The following ATG10 variants were observed in gnomAD, a reference collection of about 807,000 sequenced individuals.
ATG10 encodes ubiquitin-like-conjugating enzyme ATG10.
In ATG10, 30 loss-of-function variants were observed where a neutral mutation model predicts 32.1. That is an observed-to-expected ratio of 0.94 (90% CI 0.70 to 1.27). The LOEUF is 1.27. ATG10 is among the 50% of genes most tolerant of loss of function. ATG10 has a pLI of 0.00. For missense variants in ATG10, 233 were observed against 262.3 expected (o/e 0.89, Z 0.77); for synonymous variants, 87 against 91.5 (o/e 0.95, Z 0.28).
intron 3 of ATG10, among the ~76,000 whole-genome samples, chr5:82,139,948 A>G (rs1561321175): frequency 1.6e-5 from 2 of 122,390 alleles, no homozygotes; most frequent in Non-Finnish European, 3.5e-5. Flanking sequence ...TGGGGGGGTC[A>G]GCCCTCCGCC....
chr5:81,995,537 C>T (rs1163503826), intron 2 of ATG10, among the ~76,000 whole-genome samples: 1 of 152,136 alleles, frequency 6.6e-6, no homozygotes, highest in Non-Finnish European at 1.5e-5. Flanking sequence ...CTGTTTTGTG[C>T]TACCTTATGA....
intron 3 of ATG10, among the ~76,000 whole-genome samples, chr5:82,151,810 C>A (rs1022785665): frequency 1.3e-5 from 2 of 151,358 alleles, no homozygotes; most frequent in Admixed American, 6.6e-5. Context: ...CATTGACTAA[C>A]GACTCATTGA....
At chr5:82,141,445 C>T (rs1367771805) in intron 3 of ATG10, among the ~76,000 whole-genome samples, 1 of 151,978 alleles carries the variant, frequency 6.6e-6, no homozygotes, top group African/African-American at 2.4e-5. Flanking sequence ...GTGGAATGTG[C>T]AGAAAATGTG....
At chr5:82,047,610 T>C (rs561242726) in intron 2 of ATG10, among the ~76,000 whole-genome samples, 1 of 152,280 alleles carries the variant, frequency 6.6e-6, no homozygotes, top group African/African-American at 2.4e-5. Flanking sequence ...CCTGTAACCT[T>C]TTCTAGCCTG....
chr5:82,046,162 C>T (rs1352832309), intron 2 of ATG10, among the ~76,000 whole-genome samples: 2 of 152,144 alleles, frequency 1.3e-5, no homozygotes, highest in Non-Finnish European at 2.9e-5. Context: ...TGTGGGGCTG[C>T]GTTTCTCCTA....
At chr5:82,084,052 C>G (rs1028221323) in intron 3 of ATG10, among the ~76,000 whole-genome samples, 1 of 152,116 alleles carries the variant, frequency 6.6e-6, no homozygotes, top group Non-Finnish European at 1.5e-5. Flanking sequence ...AGAGGATGTT[C>G]GAACCCATCA....
At chr5:82,199,896 T>C (rs57872300) in intron 5 of ATG10, among the ~76,000 whole-genome samples, 1,830 of 152,286 alleles carry the variant, frequency 0.012, 26 homozygotes, top group African/African-American at 0.043. Flanking sequence ...ATTTCTAGGC[T>C]TTTGAGTCTG....
intron 5 of ATG10, among the ~76,000 whole-genome samples, chr5:82,239,866 T>C (rs897808668): frequency 7.9e-5 from 12 of 151,976 alleles, no homozygotes; most frequent in Non-Finnish European, 1.6e-4. Flanking sequence ...AAGATCTGAA[T>C]AGACATTTTT....
chr5:82,112,644 TAAG>T (rs1765655684), intron 3 of ATG10, among the ~76,000 whole-genome samples: 1 of 151,924 alleles, frequency 6.6e-6, no homozygotes, highest in African/African-American at 2.4e-5. Flanking sequence ...CTGTGATTAT[TAAG>T]AACCTTCAGA....
At chr5:82,022,165 G>GGT (rs1762460655) in intron 2 of ATG10, among the ~76,000 whole-genome samples, 1 of 151,024 alleles carries the variant, frequency 6.6e-6, no homozygotes, top group South Asian at 2.1e-4. Context: ...CTCCAGCCTG[G>GGT]GTGACAGAGC....
chr5:82,109,979 GT>G (rs1182193984), intron 3 of ATG10, among the ~76,000 whole-genome samples: 7 of 143,214 alleles, frequency 4.9e-5, no homozygotes, highest in African/African-American at 1.8e-4. Flanking sequence ...GCCCTGGTGT[GT>G]GATGTTCCCC....
intron 3 of ATG10, among the ~76,000 whole-genome samples, chr5:82,074,794 AC>A (rs1581661771): frequency 1.3e-5 from 2 of 152,328 alleles, no homozygotes; most frequent in East Asian, 3.9e-4. Context: ...TTAGAAAATC[AC>A]CTAACACTTT....
intron 5 of ATG10, among the ~76,000 whole-genome samples, chr5:82,248,115 G>A (rs967596798): frequency 6.6e-6 from 1 of 152,088 alleles, no homozygotes; most frequent in Non-Finnish European, 1.5e-5. Context: ...TTCCTATCAG[G>A]CCTTCTTGTG....
intron 3 of ATG10, among the ~76,000 whole-genome samples, chr5:82,084,996 G>A (rs1220065632): frequency 3.9e-5 from 6 of 152,156 alleles, no homozygotes; most frequent in African/African-American, 7.2e-5. Context: ...AACCTTAAAT[G>A]TAAATGGGCT....
chr5:82,154,235 C>T (rs1767725370), intron 3 of ATG10, among the ~76,000 whole-genome samples: 1 of 152,146 alleles, frequency 6.6e-6, no homozygotes, highest in Non-Finnish European at 1.5e-5. Flanking sequence ...CATTAATTTA[C>T]ATATTATCTA....
At chr5:82,037,538 C>T (rs1305287021) in intron 2 of ATG10, among the ~76,000 whole-genome samples, 8 of 150,878 alleles carry the variant, frequency 5.3e-5, no homozygotes, top group African/African-American at 9.7e-5. Context: ...TGAGCCACCG[C>T]GCCCGGCCCC....
chr5:82,228,857 T>C (rs1397169675), intron 5 of ATG10, among the ~76,000 whole-genome samples: 3 of 152,220 alleles, frequency 2.0e-5, no homozygotes, highest in Non-Finnish European at 4.4e-5. Flanking sequence ...TAAGTGAAAG[T>C]AGAGGCATAA....
At chr5:82,107,738 GTC>G (rs531118812) in intron 3 of ATG10, among the ~76,000 whole-genome samples, 49 of 152,096 alleles carry the variant, frequency 3.2e-4, no homozygotes, top group African/African-American at 1.1e-3. Flanking sequence ...ATACTCCACA[GTC>G]TCTATTCTTC....
intron 3 of ATG10, among the ~76,000 whole-genome samples, chr5:82,122,272 C>A (rs1766074799): frequency 6.6e-6 from 1 of 151,956 alleles, no homozygotes; most frequent in African/African-American, 2.4e-5. Flanking sequence ...GAAAAGACTC[C>A]CTATTCAAAA....
Sources: allele counts gnomAD v4.1 joint callset (sites outside exome capture counted in the v4.1 genomes callset), GRCh38; gene constraint gnomAD v4.1.1; transcripts MANE v1.5; gene names NCBI Gene and HGNC (gene_info 2026-07-23, HGNC 2026-07-21).